Variants in SHCBP1L observed in about 807,000 individuals in gnomAD.
The protein encoded by SHCBP1L is testicular spindle-associated protein SHCBP1L.
Under a neutral mutation model 62.5 loss-of-function variants are expected in SHCBP1L, and 67 were observed. That is an observed-to-expected ratio of 1.07 (90% CI 0.88 to 1.31). The LOEUF (loss-of-function observed/expected upper bound fraction) is 1.31, where lower values mean the gene tolerates loss of function less well. Among genes scored for constraint, SHCBP1L ranks in the 40% most tolerant of loss-of-function variants. The pLI is 0.00. For missense variants in SHCBP1L, 823 were observed against 809.8 expected (o/e 1.02, Z -0.20); for synonymous variants, 284 against 289.4 (o/e 0.98, Z 0.19).
chr1:182,946,566 C>T (rs547151610), intron 2 of SHCBP1L, among the ~76,000 whole-genome samples: 2 of 152,270 alleles, frequency 1.3e-5, no homozygotes, highest in African/African-American at 2.4e-5. Context: ...TCCCTTCTTC[C>T]CAATGGGAGT....
chr1:182,924,701 GAAGAAAGAAAGAAAGAAAGAAAGAAAGA>G lies in SHCBP1L; in HGVS notation c.1182+4918_1182+4945del, dbSNP rs199794601. Among the ~76,000 whole-genome samples the G allele has an allele frequency of 2.2e-3, 72 of 33,372 alleles. 1 individual carries two copies. The highest frequency in any genetic ancestry group is 0.016 in the East Asian group (21 of 1,298). The allele number at this position is 33,372 out of a possible 152,430, so 21.9% of individuals were successfully genotyped here. On this transcript the variant is annotated intron_variant, in intron 6 of 9. Transcript: ENST00000367547. ...GAAAGGAAAGGAAAGGAAAGGAAAG[GAAGAAAGAAAGAAAGAAAGAAAGAAAGA>G]AAGAAAGAAAGAAAGAAAGAAAGAA...
At chr1:182,915,161 C>CAAAAAAAAAAAAAAAAAAAAA (rs371432299) in intron 6 of SHCBP1L, among the ~76,000 whole-genome samples, 2 of 31,888 alleles carry the variant, frequency 6.3e-5, no homozygotes. Context: ...GACTCTGTCT[C>CAAAAAAAAAAAAAAAAAAAAA]AAAAAAAAAA....
intron 5 of SHCBP1L, among the ~76,000 whole-genome samples, chr1:182,931,768 A>C (rs1651003472): frequency 6.6e-6 from 1 of 152,022 alleles, no homozygotes; most frequent in Admixed American, 6.6e-5. Context: ...TTGACACATC[A>C]TTATCACCCA....
chr1:182,904,529 G>T, intron 7 of SHCBP1L, 99 bp from the exon 8 acceptor site: 1 of 1,092,508 alleles, frequency 9.2e-7, no homozygotes, highest in Non-Finnish European at 1.3e-6. Context: ...GTTTTTCCCT[G>T]TGTGCGTGTG....
At chr1:182,942,032 T>G (rs1651386269) in intron 2 of SHCBP1L, 2 of 863,302 alleles carry the variant, frequency 2.3e-6, no homozygotes, top group African/African-American at 3.4e-5. Flanking sequence ...TACAAAATAG[T>G]TGATAAAAAT....
chr1:182,952,865 T>TCCGCCG lies in SHCBP1L; in HGVS notation c.263_268dup (p.Ala88_Ala89dup), dbSNP rs747708113. 6.6e-4 allele frequency: 1,052 copies of TCCGCCG among 1,601,466 alleles called. 9 individuals are homozygous for TCCGCCG. In the African/African-American group the frequency reaches 0.012, roughly 19 times the overall value. The stretch of plus-strand genomic sequence containing the variant: ...CTCAGGCACTGGCAGCAGGGGCTCC[T>TCCGCCG]CCGCCGCCGCCGCCGCCGCCTCTCC... On this transcript the variant is annotated inframe_insertion, in exon 1 of 10. Transcript: ENST00000367547.
rs1312864055 is a variant in SHCBP1L, at chr1:182,900,222, G to A, written c.1723C>T (p.Pro575Ser). 1.3e-6 allele frequency: 2 copies of A among 1,562,420 alleles called. No individual in the cohort carries two copies. Among genetic ancestry groups the A allele is most frequent in the Non-Finnish European group, 1.7e-6 (2 of 1,156,956 alleles). Reference sequence around the variant, plus strand: ...TGATTATTAGTCATCTTCAATTTGGGTGCTGGAAGAACCTATTAAATTATT... The same window carrying A: ...TGATTATTAGTCATCTTCAATTTGGATGCTGGAAGAACCTATTAAATTATT... The part of the protein sequence containing the change: ...GGVNMKVLPA[P>S]KLKMTNNHIY... The change falls in exon 10 of 10, where the codon CCC becomes TCC. Residue 575 changes from proline to serine, a missense_variant. Transcript: ENST00000367547.
At chr1:182,929,895 T>G (rs968855109) in intron 5 of SHCBP1L, 143 bp from the exon 6 acceptor site, 1 of 585,194 alleles carries the variant, frequency 1.7e-6, no homozygotes, top group Non-Finnish European at 2.9e-6. Flanking sequence ...ATGAGCAACT[T>G]GAGAGCAATG....
At chr1:182,930,744 T>C (rs1260305996) in intron 5 of SHCBP1L, among the ~76,000 whole-genome samples, 20 of 121,838 alleles carry the variant, frequency 1.6e-4, no homozygotes, top group African/African-American at 6.1e-4. Context: ...TTTTTTTTTT[T>C]TTTTTTTATT....
chr1:182,938,056 C>T (rs186515783), intron 5 of SHCBP1L, among the ~76,000 whole-genome samples: 1 of 152,118 alleles, frequency 6.6e-6, no homozygotes. Context: ...GTGTCAGAAG[C>T]TTCAAATTCC....
intron 8 of SHCBP1L, among the ~76,000 whole-genome samples, chr1:182,903,791 G>A (rs1053826932): frequency 6.6e-6 from 1 of 152,090 alleles, no homozygotes; most frequent in Non-Finnish European, 1.5e-5. Context: ...ACTGTGCTTG[G>A]CCTCAAGTTT....
At chr1:182,905,290 T>C (rs760990156) in intron 7 of SHCBP1L, among the ~76,000 whole-genome samples, 4 of 152,048 alleles carry the variant, frequency 2.6e-5, no homozygotes, top group Admixed American at 2.6e-4. Context: ...TAAAGATAGA[T>C]AAGAAAAAAG....
chr1:182,952,239 C>T (rs529982511), intron 1 of SHCBP1L, among the ~76,000 whole-genome samples: 13 of 87,960 alleles, frequency 1.5e-4, no homozygotes, highest in Non-Finnish European at 2.2e-4. Flanking sequence ...TATATATACA[C>T]ACACACACAC....
chr1:182,951,920 C>A, intron 1 of SHCBP1L: 1 of 355,462 alleles, frequency 2.8e-6, no homozygotes, highest in Admixed American at 3.2e-5. Flanking sequence ...TTTGGGAGGC[C>A]GAAGCGGGCA....
At chr1:182,925,663 C>T (rs1315673258) in intron 6 of SHCBP1L, among the ~76,000 whole-genome samples, 1 of 152,130 alleles carries the variant, frequency 6.6e-6, no homozygotes, top group African/African-American at 2.4e-5. Flanking sequence ...TTTGGCAATT[C>T]CTCATAAAGT....
At chr1:182,924,935 G>GAAAGAAAGAAAGAAAGA (rs1192815938) in intron 6 of SHCBP1L, among the ~76,000 whole-genome samples, 5 of 62,380 alleles carry the variant, frequency 8.0e-5, no homozygotes, top group African/African-American at 3.7e-4. Context: ...AGGAAGGAAG[G>GAAAGAAAGAAAGAAAGA]AAGAAAGAAA....
At chr1:182,918,132 G>GTA (rs957985717) in intron 6 of SHCBP1L, among the ~76,000 whole-genome samples, 1 of 134,972 alleles carries the variant, frequency 7.4e-6, no homozygotes, top group Admixed American at 7.5e-5. Flanking sequence ...ACGTGTGTGT[G>GTA]TATATATATA....
chr1:182,940,200 A>G (rs2101951868), intron 3 of SHCBP1L, 129 bp downstream of exon 3: 1 of 648,094 alleles, frequency 1.5e-6, no homozygotes. Flanking sequence ...TAAAATGGAC[A>G]AATTTAATCC....
intron 6 of SHCBP1L, among the ~76,000 whole-genome samples, chr1:182,929,017 A>T (rs1360528505): frequency 1.3e-5 from 2 of 152,206 alleles, no homozygotes; most frequent in African/African-American, 4.8e-5. Flanking sequence ...GAAAACCTTG[A>T]AAGTATACTA....
Sources: gnomAD v4.1 joint callset for allele counts (sites outside exome capture counted in the v4.1 genomes callset) on GRCh38, gnomAD v4.1.1 for gene constraint, MANE v1.5 for transcripts, NCBI Gene and HGNC (gene_info 2026-07-23, HGNC 2026-07-21) for gene names.